KIAA1217: variants seen among roughly 807,000 people sequenced by gnomAD.
The protein encoded by KIAA1217 is KIAA1217.
In KIAA1217, 88 loss-of-function variants were observed where a neutral mutation model predicts 163.9. That is an observed-to-expected ratio of 0.54 (90% CI 0.45 to 0.64). The LOEUF is 0.64. Ranked by LOEUF, KIAA1217 falls within the 30% of genes least tolerant of loss-of-function variation. The pLI, the probability that KIAA1217 is intolerant of heterozygous loss-of-function variation, is 0.00. For synonymous variants in KIAA1217, 903 were observed against 923.1 expected, an observed-to-expected ratio of 0.98 and a Z score of 0.39; for missense variants, 2,372 against 2,475.0, an observed-to-expected ratio of 0.96 and a Z score of 0.88.
At chr10:24,251,842 GCTT>G (rs1250522865) in intron 2 of KIAA1217, among the ~76,000 whole-genome samples, 2 of 131,470 alleles carry the variant, frequency 1.5e-5, no homozygotes, top group Non-Finnish European at 3.1e-5. Context: ...GTCCAAGTAA[GCTT>G]CTGCATCTGT....
chr10:23,804,914 T>C (rs1261152838), intron 1 of KIAA1217, among the ~76,000 whole-genome samples: 1 of 152,124 alleles, frequency 6.6e-6, no homozygotes, highest in Non-Finnish European at 1.5e-5. Context: ...AGTTAGGATC[T>C]CTGATCTTAG....
intron 1 of KIAA1217, among the ~76,000 whole-genome samples, chr10:23,733,469 A>G (rs746015392): frequency 5.9e-5 from 9 of 152,194 alleles, no homozygotes; most frequent in Non-Finnish European, 1.2e-4. Context: ...CTTTTCTATA[A>G]AATGGCATAG....
intron 1 of KIAA1217, among the ~76,000 whole-genome samples, chr10:23,732,658 T>G (rs1838540200): frequency 6.6e-6 from 1 of 152,148 alleles, no homozygotes; most frequent in Non-Finnish European, 1.5e-5. Flanking sequence ...TCTCTCCTAA[T>G]TTTTATTTTT....
intron 1 of KIAA1217, among the ~76,000 whole-genome samples, chr10:23,792,342 T>C (rs1564426113): frequency 1.3e-5 from 2 of 152,220 alleles, no homozygotes; most frequent in Non-Finnish European, 2.9e-5. Flanking sequence ...AAGTGAGGAA[T>C]ACATTGTTTT....
chr10:24,142,809 T>A (rs372723661), intron 2 of KIAA1217, among the ~76,000 whole-genome samples: 48 of 152,272 alleles, frequency 3.2e-4, no homozygotes, highest in African/African-American at 1.2e-3. Flanking sequence ...CCTGTAGGTT[T>A]AATACAAAAA....
At position 24,088,274 on chromosome 10, in the gene KIAA1217, T is replaced by TATATATATATATATATATAC. The variant is rs1285415158; in HGVS notation, c.-171+80901_-171+80902insTATATATATATATATATACA. 1.2e-3 allele frequency among the ~76,000 whole-genome samples: 131 copies of TATATATATATATATATATAC among 107,222 alleles called. 3 individuals carry two copies. Among genetic ancestry groups the TATATATATATATATATATAC allele is most frequent in the African/African-American group, 3.9e-3 (127 of 32,300 alleles). 70.3% of individuals were successfully genotyped at this position (107,222 alleles called of 152,430 possible). ...TAATATACATATATATATATATATATACACACATATATGTGTATATATATA... is the reference window on the plus strand; with the variant it reads ...TAATATACATATATATATATATATATATATATATATATATATATACACACACATATATGTGTATATATATA... On this transcript the variant is annotated intron_variant, in intron 2 of 18. Coordinates refer to the KIAA1217 transcript ENST00000376462.
chr10:24,076,877 C>CTTTT (rs10573976), intron 2 of KIAA1217, among the ~76,000 whole-genome samples: 184 of 140,986 alleles, frequency 1.3e-3, no homozygotes, highest in African/African-American at 4.5e-3. Flanking sequence ...TTATTTCCAT[C>CTTTT]TTTTTTTTTT....
At chr10:24,373,258 A>G (rs1331104825) in intron 2 of KIAA1217, among the ~76,000 whole-genome samples, 1 of 152,148 alleles carries the variant, frequency 6.6e-6, no homozygotes, top group East Asian at 1.9e-4. Context: ...CCCAATTTGA[A>G]GAGCACCATC....
At position 23,801,056 on chromosome 10, in the gene KIAA1217, CAG is replaced by C. The variant is rs1313995337; in HGVS notation, c.-321+105826_-321+105827del. Among the ~76,000 whole-genome samples, 4 of 152,238 alleles carry C rather than the reference CAG, an allele frequency of 2.6e-5. No individual in the cohort carries two copies. In the East Asian group the frequency reaches 7.7e-4, roughly 29 times the overall value. On this transcript the variant is annotated intron_variant, in intron 1 of 18. Coordinates refer to the KIAA1217 transcript ENST00000376462. ...TTTATTGCAGCACTGTTCACAATAG[CAG>C]AGACTTGGAACCAACCCAAATGCCC...
chr10:24,225,294 A>G (rs1223680133), intron 2 of KIAA1217, among the ~76,000 whole-genome samples: 1 of 152,036 alleles, frequency 6.6e-6, no homozygotes, highest in Admixed American at 6.6e-5. Flanking sequence ...GGCCAGTTTT[A>G]AAAATTATTT....
At position 24,404,822 on chromosome 10, in the gene KIAA1217, C is replaced by T. The variant is rs1011533504; in HGVS notation, c.553+23755C>T. Among the ~76,000 whole-genome samples, 78 of 152,080 alleles carry T rather than the reference C, an allele frequency of 5.1e-4. 1 individual carries two copies. The highest frequency in any genetic ancestry group is 6.0e-4 in the Non-Finnish European group (41 of 67,994). ...TACTCTGCAACAAGGGACAAACTGTCGATACACAATGACTTGGATTTATGC... is the reference window on the plus strand; with the variant it reads ...TACTCTGCAACAAGGGACAAACTGTTGATACACAATGACTTGGATTTATGC... On this transcript the variant is annotated intron_variant, in intron 3 of 20. Coordinates refer to ENST00000376454, the MANE Select transcript of KIAA1217 (RefSeq NM_019590.5).
At chr10:23,988,631 A>C (rs960628833) in intron 1 of KIAA1217, among the ~76,000 whole-genome samples, 1 of 152,250 alleles carries the variant, frequency 6.6e-6, no homozygotes. Context: ...AATTAGCATC[A>C]TAATATAGGC....
chr10:24,457,886 C>T (rs2061970421), intron 5 of KIAA1217, among the ~76,000 whole-genome samples: 1 of 152,220 alleles, frequency 6.6e-6, no homozygotes, highest in Non-Finnish European at 1.5e-5. Flanking sequence ...TATTGACTTG[C>T]TTCTGTTCTT....
chr10:23,993,665 C>T (rs1846330559), intron 1 of KIAA1217, among the ~76,000 whole-genome samples: 3 of 149,288 alleles, frequency 2.0e-5, no homozygotes, highest in South Asian at 4.3e-4. Context: ...AAGTGATTCT[C>T]CTACCTTAGC....
chr10:24,053,446 T>C (rs899119545), intron 2 of KIAA1217, among the ~76,000 whole-genome samples: 4 of 152,156 alleles, frequency 2.6e-5, no homozygotes, highest in Admixed American at 6.6e-5. Flanking sequence ...TATGCTGGTA[T>C]ATTACATTTT....
At chr10:24,212,767 A>G (rs775988753) in intron 1 of KIAA1217, among the ~76,000 whole-genome samples, 1 of 152,136 alleles carries the variant, frequency 6.6e-6, no homozygotes, top group Non-Finnish European at 1.5e-5. Flanking sequence ...GTTTTACCCA[A>G]TGACAATGTG....
chr10:24,117,752 G>A (rs2063116712), intron 2 of KIAA1217, among the ~76,000 whole-genome samples: 1 of 152,238 alleles, frequency 6.6e-6, no homozygotes, highest in Non-Finnish European at 1.5e-5. Context: ...AGCAGCTTAT[G>A]CAGAGTCCTG....
intron 14 of KIAA1217, 68 bp downstream of exon 14, chr10:24,528,187 C>T (rs1414663725): frequency 1.0e-5 from 13 of 1,295,282 alleles, no homozygotes; most frequent in South Asian, 2.6e-5. Flanking sequence ...GTGCCATCCA[C>T]GACAGCACAT....
rs559198117 is a variant in KIAA1217 at position 24,147,400 on chromosome 10, C to T, written c.-170-72226C>T. Among the ~76,000 whole-genome samples, 22 of 152,118 alleles carry T rather than the reference C, an allele frequency of 1.4e-4. No individual in the cohort carries two copies. The South Asian group carries it at 2.5e-3, about 17-fold the overall frequency. Reference sequence around the variant, plus strand: ...TTAGAGAGCTTTTCCTAACCTTGAACGCACCACTTTGAGAATTCTTTGAAG... The same window carrying T: ...TTAGAGAGCTTTTCCTAACCTTGAATGCACCACTTTGAGAATTCTTTGAAG... On this transcript the variant is annotated intron_variant, in intron 2 of 18. Coordinates refer to the KIAA1217 transcript ENST00000376462.
Sources: allele counts gnomAD v4.1 joint callset (sites outside exome capture counted in the v4.1 genomes callset), GRCh38; gene constraint gnomAD v4.1.1; transcripts MANE v1.5; gene names NCBI Gene and HGNC (gene_info 2026-07-23, HGNC 2026-07-21).